Variants in WDR54 observed in about 807,000 individuals in gnomAD.
WDR54 encodes WD repeat-containing protein 54.
In WDR54, 44 loss-of-function variants were observed where a neutral mutation model predicts 44.1. The ratio of observed to expected loss-of-function variants is 1.00; its 90% CI spans 0.78 to 1.28. The LOEUF (loss-of-function observed/expected upper bound fraction) is 1.28, where lower values mean the gene tolerates loss of function less well. Ranked by LOEUF, WDR54 falls within the 50% of genes most tolerant of loss-of-function variation. The probability of loss-of-function intolerance (pLI) is 0.00; values close to 1 mark genes in which losing one functional copy is unlikely to be tolerated. For missense variants in WDR54, 409 were observed against 429.7 expected, an observed-to-expected ratio of 0.95 and a Z score of 0.43; for synonymous variants, 169 against 169.8, an observed-to-expected ratio of 1.00 and a Z score of 0.04.
Position 74,424,950 on chromosome 2 carries a change from T to C in WDR54, c.610T>C (p.Leu204=). Residue 204 remains leucine (L), a synonymous_variant, in exon 7 of 10, where the codon TTA becomes CTA. Coordinates refer to ENST00000348227, the MANE Select transcript of WDR54 (RefSeq NM_032118.4). The stretch of plus-strand genomic sequence containing the variant: ...CTGGCGGTCAGGGCCAGAATTCACA[T>C]TATTGACCCGCATTCCAGGATTTGG... ...CVWRSGPEFT[L]LTRIPGFGVP... is the part of the protein sequence containing the mutation. The C allele has an allele frequency of 1.9e-6, 3 of 1,614,104 alleles. No homozygotes were observed. The highest frequency in any genetic ancestry group is 2.5e-6 in the Non-Finnish European group (3 of 1,180,018).
In WDR54 at chr2:74,421,763, G is replaced by A; in HGVS notation, c.-55G>A. 1 of 657,392 alleles carries A rather than the reference G, an allele frequency of 1.5e-6. No homozygotes were observed. Among genetic ancestry groups the A allele is most frequent in the Non-Finnish European group, 2.8e-6 (1 of 356,572 alleles). 40.7% of individuals were successfully genotyped at this position (657,392 alleles called of 1,614,324 possible). On this transcript the variant is annotated 5_prime_UTR_variant, in exon 1 of 10. Coordinates refer to ENST00000348227, the MANE Select transcript of WDR54 (RefSeq NM_032118.4). ...GTGCGTCGTCTCTATGGTGGCGGCGGATTTGGAGGGACCCTACGAACCAGG... is the reference window on the plus strand; with the variant it reads ...GTGCGTCGTCTCTATGGTGGCGGCGAATTTGGAGGGACCCTACGAACCAGG...
chr2:74,423,563 T>C, intron 5 of WDR54, 32 bp downstream of exon 5: 12 of 1,611,052 alleles, frequency 7.4e-6, no homozygotes, highest in Non-Finnish European at 1.0e-5. Context: ...CATGGAGGGG[T>C]GCTGGGGCAT....
chr2:74,423,252 G>A (rs1005459833), intron 3 of WDR54, 67 bp from the exon 4 acceptor site: 3 of 1,548,274 alleles, frequency 1.9e-6, no homozygotes, highest in South Asian at 1.1e-5. Context: ...AGGCTAACAC[G>A]GATATGTGAA....
intron 6 of WDR54, 62 bp from the exon 7 acceptor site, chr2:74,424,813 G>C: frequency 6.3e-7 from 1 of 1,594,846 alleles, no homozygotes; most frequent in Non-Finnish European, 8.6e-7. Context: ...TTCCCCTCCT[G>C]CCCTGTATAC....
At chr2:74,422,615 CCT>C (rs1670167741) in intron 2 of WDR54, 1 of 612,436 alleles carries the variant, frequency 1.6e-6, no homozygotes, top group African/African-American at 1.9e-5. Context: ...CATGGTGAAA[CCT>C]CTTCTCTACT....
intron 6 of WDR54, 61 bp downstream of exon 6, chr2:74,424,043 G>C: frequency 1.2e-6 from 2 of 1,604,380 alleles, no homozygotes; most frequent in Non-Finnish European, 1.7e-6. Context: ...AGGGGACCTG[G>C]CTTTGAGTCT....
At position 74,422,340 on chromosome 2, in the gene WDR54, G is replaced by GTT; in HGVS notation, c.187_188insTT (p.Glu63ValfsTer6). 1 of 1,613,992 alleles carries GTT rather than the reference G, an allele frequency of 6.2e-7. No individual in the cohort carries two copies. Among genetic ancestry groups the GTT allele is most frequent in the Non-Finnish European group, 8.5e-7 (1 of 1,179,912 alleles). On this transcript the variant is annotated frameshift_variant, in exon 2 of 10. Coordinates refer to ENST00000348227, the MANE Select transcript of WDR54 (RefSeq NM_032118.4). LOFTEE classifies it high-confidence loss of function. ...GGCCCAGCGCCAGCTCCACGCTAAG[G>GTT]AGGGTGCTGGAGTGAGTCCCCCACT...
At position 74,423,852 on chromosome 2, in the gene WDR54, C is replaced by T. The variant is rs966701978; in HGVS notation, c.407-3C>T. The stretch of plus-strand genomic sequence containing the variant: ...ATCACTGGAGTACTGGTTCTGGATA[C>T]AGGAACGTGGTCAGGCCGGGTGCTG... On this transcript the variant is annotated splice_region_variant and splice_polypyrimidine_tract_variant and intron_variant, in intron 5 of 9. Transcript: ENST00000348227. The T allele has an allele frequency of 5.6e-6, 9 of 1,613,828 alleles. No homozygotes were observed. The Admixed American group carries it at 6.7e-5, about 12-fold the overall frequency.
rs766758935 is a variant in WDR54 at position 74,422,788 on chromosome 2, G to A, written c.223-82G>A. 629 of 1,057,662 alleles carry A rather than the reference G, an allele frequency of 5.9e-4. 3 individuals are homozygous for A. The highest frequency in any genetic ancestry group is 7.9e-4 in the Non-Finnish European group (585 of 742,116). 65.5% of individuals were successfully genotyped at this position (1,057,662 alleles called of 1,614,324 possible). A position where few individuals can be genotyped will look rare whatever the true frequency, so the allele number is the denominator to read the frequency against. On this transcript the variant is annotated intron_variant, in intron 2 of 9. Transcript: ENST00000348227. ...AGCCTGGGCCACAGAGCAAGACTCC[G>A]TCCCCCAAAAAAAAAAAAAAAACAA... is the stretch of plus-strand genomic sequence containing the variant.
intron 8 of WDR54, 49 bp downstream of exon 8, chr2:74,425,286 T>C (rs1398569791): frequency 3.2e-6 from 5 of 1,539,090 alleles, no homozygotes; most frequent in Non-Finnish European, 4.4e-6. Context: ...GGCAGTGGAA[T>C]GTTGAGAGAA....
In WDR54 at chr2:74,422,729, G is replaced by A. The variant is rs535789048; in HGVS notation, c.223-141G>A. 584 of 767,176 alleles carry A rather than the reference G, an allele frequency of 7.6e-4. 1 individual carries two copies. The highest frequency in any genetic ancestry group is 1.2e-3 in the Non-Finnish European group (553 of 473,480). 47.5% of individuals were successfully genotyped at this position (767,176 alleles called of 1,614,324 possible). ...AATCGCTTGAACCCAGGAGGCTGAG[G>A]TTGCAGTGAGCCGAGATGGCGCCAC... On this transcript the variant is annotated intron_variant, in intron 2 of 9. Transcript: ENST00000348227.
At chr2:74,425,316 C>A in intron 8 of WDR54, 79 bp downstream of exon 8, 2 of 1,563,454 alleles carry the variant, frequency 1.3e-6, no homozygotes, top group South Asian at 1.2e-5. Flanking sequence ...CTTGTCTTTG[C>A]AACTCAGTGT....
Position 74,425,204 on chromosome 2 carries a change from C to G in WDR54, c.765C>G (p.Ile255Met). ...AGATCAATGCCCATGCCCGGGCCATCTGCGCCCTGGACCTGGCTTCTGAGG... is the reference window on the plus strand; with the variant it reads ...AGATCAATGCCCATGCCCGGGCCATGTGCGCCCTGGACCTGGCTTCTGAGG... ...HVQINAHARA[I>M]CALDLASEVG... Residue 255 changes from isoleucine (I) to methionine (M), a missense_variant, in exon 8 of 10, where the codon ATC becomes ATG. By Grantham distance (10) the Ile-to-Met change is conservative. Coordinates refer to ENST00000348227, the MANE Select transcript of WDR54 (RefSeq NM_032118.4). 2 of 1,535,158 alleles carry G rather than the reference C, an allele frequency of 1.3e-6. No individual in the cohort carries two copies. Among genetic ancestry groups the G allele is most frequent in the East Asian group, 4.5e-5 (2 of 44,120 alleles).
chr2:74,424,080 G>A, intron 6 of WDR54, 98 bp downstream of exon 6: 2 of 1,481,178 alleles, frequency 1.4e-6, no homozygotes, highest in Admixed American at 4.0e-5. Flanking sequence ...CAGGTGGATG[G>A]CTTTGGGCAA....
At chr2:74,424,230 T>G (rs1355704652) in intron 6 of WDR54, among the ~76,000 whole-genome samples, 28 of 152,230 alleles carry the variant, frequency 1.8e-4, no homozygotes, top group Admixed American at 1.7e-3. Context: ...GTTTCTAAGA[T>G]ACTTTCCAGC....
chr2:74,424,480 G>A (rs964303680), intron 6 of WDR54, among the ~76,000 whole-genome samples: 2 of 152,190 alleles, frequency 1.3e-5, no homozygotes, highest in African/African-American at 4.8e-5. Flanking sequence ...CCTGGCATAG[G>A]GCTAGGCCCA....
In WDR54 at chr2:74,425,118, G is replaced by C; in HGVS notation, c.679G>C (p.Ala227Pro). 5 of 1,581,148 alleles carry C rather than the reference G, an allele frequency of 3.2e-6. No homozygotes were observed. Among genetic ancestry groups the C allele is most frequent in the Non-Finnish European group, 4.3e-6 (5 of 1,159,790 alleles). The change falls in exon 8 of 10, where the codon GCA becomes CCA. Residue 227 changes from alanine (A) to proline (P), a missense_variant. Physicochemically the swap from Ala to Pro is conservative, Grantham distance 27. Transcript: ENST00000348227. ...GCAGCTGTGGCAGGGGATCATAGCAGCAGGCTATGGGAACGGACAAGTGCA... is the reference window on the plus strand; with the variant it reads ...GCAGCTGTGGCAGGGGATCATAGCACCAGGCTATGGGAACGGACAAGTGCA... The part of the protein sequence containing the change: ...SVQLWQGIIA[A>P]GYGNGQVHLY...
At position 74,425,163 on chromosome 2, in the gene WDR54, G is replaced by A. The variant is rs1046729151; in HGVS notation, c.724G>A (p.Gly242Arg). The A allele has an allele frequency of 6.4e-7, 1 of 1,551,878 alleles. No individual in the cohort carries two copies. The highest frequency in any genetic ancestry group is 1.8e-5 in the Admixed American group (1 of 54,692). The change falls in exon 8 of 10, where the codon GGA becomes AGA. Residue 242 changes from glycine to arginine, a missense_variant. Physicochemically the swap from Gly to Arg is moderately radical, Grantham distance 125. Transcript: ENST00000348227. ...GQVHLYEATT[G>R]NLHVQINAHA... ...AGTGCATCTATATGAGGCCACTACA[G>A]GAAATCTACATGTCCAGATCAATGC...
intron 4 of WDR54, 36 bp from the exon 5 acceptor site, chr2:74,423,442 G>C: frequency 6.2e-7 from 1 of 1,614,016 alleles, no homozygotes. Flanking sequence ...GCTGCAGGAG[G>C]GGATATTTCT....
Sources: allele counts gnomAD v4.1 joint callset (sites outside exome capture counted in the v4.1 genomes callset), GRCh38; gene constraint gnomAD v4.1.1; transcripts MANE v1.5; gene names NCBI Gene and HGNC (gene_info 2026-07-23, HGNC 2026-07-21).